Variants in IDE observed in about 807,000 individuals in gnomAD.
The protein encoded by IDE is insulin-degrading enzyme.
A neutral mutation model predicts 133.2 loss-of-function variants in IDE; 58 were observed. The ratio of observed to expected loss-of-function variants is 0.44; its 90% CI spans 0.35 to 0.54. The LOEUF is 0.54. Ranked by LOEUF, IDE falls within the 20% of genes least tolerant of loss-of-function variation. The pLI, the probability that IDE is intolerant of heterozygous loss-of-function variation, is 0.00. For missense variants in IDE, 981 were observed against 1,234.0 expected, an observed-to-expected ratio of 0.79 and a Z score of 3.07; for synonymous variants, 396 against 421.3, an observed-to-expected ratio of 0.94 and a Z score of 0.73.
At position 92,487,335 on chromosome 10, in the gene IDE, A is replaced by G; in HGVS notation, c.1534-17T>C. On this transcript the variant is annotated splice_polypyrimidine_tract_variant and intron_variant, in intron 12 of 24. Coordinates refer to ENST00000265986, the MANE Select transcript of IDE (RefSeq NM_004969.4). ...TTGCCATTTCTGGATGAATAATGAA[A>G]CACACAAATGCAGTAAGAGTCTGAT... is the stretch of plus-strand genomic sequence containing the variant. The G allele has an allele frequency of 6.2e-7, 1 of 1,606,098 alleles. No individual in the cohort carries two copies. Among genetic ancestry groups the G allele is most frequent in the African/African-American group, 1.3e-5 (1 of 74,718 alleles).
intron 4 of IDE, among the ~76,000 whole-genome samples, chr10:92,521,513 G>C (rs1040956460): frequency 3.3e-5 from 5 of 151,994 alleles, no homozygotes; most frequent in Non-Finnish European, 5.9e-5. Flanking sequence ...GATGAAGGAT[G>C]AACTCTTAAA....
intron 11 of IDE, among the ~76,000 whole-genome samples, chr10:92,499,258 A>G (rs979055300): frequency 6.6e-6 from 1 of 151,828 alleles, no homozygotes; most frequent in Non-Finnish European, 1.5e-5. Context: ...ATCTTGGCTC[A>G]CTGCAACCTC....
At chr10:92,541,849 C>T (rs1842321957) in intron 1 of IDE, among the ~76,000 whole-genome samples, 1 of 152,112 alleles carries the variant, frequency 6.6e-6, no homozygotes, top group African/African-American at 2.4e-5. Flanking sequence ...CCACCAGAGA[C>T]CTACTGAGCC....
intron 4 of IDE, among the ~76,000 whole-genome samples, chr10:92,524,023 C>T (rs1449271470): frequency 1.3e-5 from 2 of 151,480 alleles, no homozygotes; most frequent in Non-Finnish European, 2.9e-5. Flanking sequence ...AACAAAAAAA[C>T]AAAATAGGGC....
At chr10:92,504,562 C>T (rs1848193252) in intron 11 of IDE, among the ~76,000 whole-genome samples, 1 of 151,842 alleles carries the variant, frequency 6.6e-6, no homozygotes, top group South Asian at 2.1e-4. Flanking sequence ...GATATTGCCT[C>T]AAAATAATTT....
chr10:92,471,693 C>T (rs1160169842), intron 17 of IDE, among the ~76,000 whole-genome samples: 2 of 152,082 alleles, frequency 1.3e-5, no homozygotes, highest in Admixed American at 6.6e-5. Context: ...AAAGAAACCC[C>T]ATCTAATTGA....
At chr10:92,461,623 C>T (rs1446020709) in intron 21 of IDE, among the ~76,000 whole-genome samples, 3 of 151,694 alleles carry the variant, frequency 2.0e-5, no homozygotes, top group Non-Finnish European at 2.9e-5. Context: ...CCCAAAGTGC[C>T]GGGATTATAG....
chr10:92,572,910 C>T (rs1468318541), intron 1 of IDE: 9 of 985,234 alleles, frequency 9.1e-6, no homozygotes, highest in Non-Finnish European at 1.1e-5. Context: ...CTCATCAACA[C>T]ACCCTTGTAG....
chr10:92,456,384 A>G lies in IDE; in HGVS notation c.2871T>C (p.His957=). 6.2e-7 allele frequency: 1 copy of G among 1,613,862 alleles called. No homozygotes were observed. Among genetic ancestry groups the G allele is most frequent in the South Asian group, 1.1e-5 (1 of 91,072 alleles). Residue 957 remains histidine, a synonymous_variant, in exon 23 of 25, where the codon CAT becomes CAC. Coordinates refer to ENST00000265986, the MANE Select transcript of IDE (RefSeq NM_004969.4). The part of the protein sequence containing the change: ...DAPRRHKVSV[H]VLAREMDSCP... ...AAGAATCCATTTCCCTGGCAAGAAC[A>G]TGGACGGATACCTTATGTCTCCTTG...
rs371405029 is a variant in IDE at position 92,462,100 on chromosome 10, G to A, written c.2762-848C>T. Among the ~76,000 whole-genome samples the A allele has an allele frequency of 4.6e-5, 7 of 152,006 alleles. No homozygotes were observed. The East Asian group carries it at 5.9e-4, about 13-fold the overall frequency. On this transcript the variant is annotated intron_variant, in intron 21 of 24. Coordinates refer to ENST00000265986, the MANE Select transcript of IDE (RefSeq NM_004969.4). ...GGAGGCCAAGGTAGGTGGATCACTC[G>A]AGGCCAGAAGTTTGAGACCAGCCTG...
At chr10:92,546,387 C>A (rs1031968013) in intron 1 of IDE, among the ~76,000 whole-genome samples, 2 of 152,172 alleles carry the variant, frequency 1.3e-5, no homozygotes, top group African/African-American at 4.8e-5. Context: ...AAAAATAGAG[C>A]TTTTCAAAAT....
chr10:92,553,903 A>T (rs1842901447), intron 1 of IDE, among the ~76,000 whole-genome samples: 1 of 152,154 alleles, frequency 6.6e-6, no homozygotes, highest in African/African-American at 2.4e-5. Context: ...CTAAATATTT[A>T]AAGAACTAAT....
chr10:92,492,339 A>G (rs756896516), intron 11 of IDE, among the ~76,000 whole-genome samples: 9 of 152,176 alleles, frequency 5.9e-5, no homozygotes, highest in Non-Finnish European at 1.3e-4. Flanking sequence ...TGAACAAAAA[A>G]TGACAAGACT....
At chr10:92,530,830 ACTG>A (rs1290945054) in intron 4 of IDE, among the ~76,000 whole-genome samples, 1 of 152,182 alleles carries the variant, frequency 6.6e-6, no homozygotes, top group Non-Finnish European at 1.5e-5. Context: ...AATTTCTCTG[ACTG>A]CTGTTGGATA....
chr10:92,496,031 T>C (rs1847682288), intron 11 of IDE, among the ~76,000 whole-genome samples: 2 of 151,978 alleles, frequency 1.3e-5, no homozygotes, highest in Middle Eastern at 3.4e-3. Context: ...CCTGCCACCA[T>C]GCCCGGCTAA....
intron 1 of IDE, among the ~76,000 whole-genome samples, chr10:92,543,141 C>A (rs1236170805): frequency 1.3e-5 from 2 of 152,112 alleles, no homozygotes. Context: ...AATTACAAAC[C>A]AAAACCTCCC....
chr10:92,560,475 AGAT>A (rs1843222074), intron 1 of IDE, among the ~76,000 whole-genome samples: 1 of 152,120 alleles, frequency 6.6e-6, no homozygotes, highest in African/African-American at 2.4e-5. Flanking sequence ...GCAACTCAAG[AGAT>A]GCCTCAAAGG....
At position 92,504,879 on chromosome 10, in the gene IDE, C is replaced by T. The variant is rs557704549; in HGVS notation, c.1345G>A (p.Val449Met). The T allele has an allele frequency of 6.5e-7, 1 of 1,539,398 alleles. No individual in the cohort carries two copies. The highest frequency in any genetic ancestry group is 1.4e-5 in the African/African-American group (1 of 72,314). The change falls in exon 11 of 25, where the codon GTG becomes ATG. Residue 449 changes from valine to methionine, a missense_variant. This residue lies in a region of IDE where 660 missense variants were observed against 894.7 expected (regional missense o/e 0.74). Coordinates refer to ENST00000265986, the MANE Select transcript of IDE (RefSeq NM_004969.4). ...TCCAGTAAATATTCCGCTGTGAGCA[C>T]CTCTTCTAGGGGATAATACTTTTAA... ...GILHYYPLEE[V>M]LTAEYLLEEF...
chr10:92,533,715 C>CAAAAA, intron 3 of IDE, among the ~76,000 whole-genome samples: 1 of 119,348 alleles, frequency 8.4e-6, no homozygotes, highest in South Asian at 2.6e-4. Context: ...AAAAATTGAC[C>CAAAAA]AAAAAAAAAA....
Sources: gnomAD v4.1 joint callset for allele counts (sites outside exome capture counted in the v4.1 genomes callset) on GRCh38, gnomAD v4.1.1 for gene constraint, gnomAD v4.1.1 regional missense constraint, MANE v1.5 for transcripts, NCBI Gene and HGNC (gene_info 2026-07-23, HGNC 2026-07-21) for gene names.